CLSTN2: variants seen among roughly 807,000 people sequenced by gnomAD.
CLSTN2 encodes the protein calsyntenin-2.
Under a neutral mutation model 101.2 loss-of-function variants are expected in CLSTN2, and 48 were observed. That is an observed-to-expected ratio of 0.47 (90% CI 0.38 to 0.60). CLSTN2 has a LOEUF of 0.60. CLSTN2 is among the 20% of genes least tolerant of loss of function. The pLI is 0.00. For synonymous variants in CLSTN2, 481 were observed against 463.6 expected (o/e 1.04, Z -0.48); for missense variants, 1,160 against 1,238.2 (o/e 0.94, Z 0.95).
intron 8 of CLSTN2, chr3:140,508,244 A>C (rs1934724053): frequency 7.4e-6 from 1 of 135,792 alleles, no homozygotes; most frequent in Non-Finnish European, 1.5e-5. Context: ...GACAGACGGC[A>C]CTGCTGAGTT....
At chr3:140,423,102 T>C (rs2088523400) in intron 5 of CLSTN2, among the ~76,000 whole-genome samples, 1 of 152,246 alleles carries the variant, frequency 6.6e-6, no homozygotes, top group Non-Finnish European at 1.5e-5. Flanking sequence ...GTCCCAATGC[T>C]TCTTTGACTT....
At chr3:139,967,877 G>A (rs888760098) in intron 1 of CLSTN2, among the ~76,000 whole-genome samples, 1 of 151,974 alleles carries the variant, frequency 6.6e-6, no homozygotes, top group African/African-American at 2.4e-5. Context: ...ATTTTTCAGG[G>A]GGCCAATTTG....
chr3:140,566,428 G>A lies in CLSTN2; in HGVS notation c.*175G>A. On this transcript the variant is annotated 3_prime_UTR_variant, in exon 17 of 17. Coordinates refer to ENST00000458420, the MANE Select transcript of CLSTN2 (RefSeq NM_022131.3). ...GCACTCCCTGTGTTTCATCCATGGG[G>A]AAGTTCCAAGAAGCCCAGCATGGCC... 1.6e-6 allele frequency: 1 copy of A among 639,208 alleles called. No homozygotes were observed. The highest frequency in any genetic ancestry group is 2.9e-5 in the Admixed American group (1 of 34,954). 39.6% of individuals were successfully genotyped at this position (639,208 alleles called of 1,614,324 possible).
intron 1 of CLSTN2, among the ~76,000 whole-genome samples, chr3:140,087,942 A>T (rs1010484774): frequency 1.3e-5 from 2 of 152,184 alleles, no homozygotes; most frequent in African/African-American, 4.8e-5. Flanking sequence ...TGGCAGTGGC[A>T]TGGGAGCTTG....
At chr3:140,464,719 G>A (rs1481249682) in intron 7 of CLSTN2, among the ~76,000 whole-genome samples, 1 of 152,142 alleles carries the variant, frequency 6.6e-6, no homozygotes, top group Non-Finnish European at 1.5e-5. Context: ...TATTTCCTAA[G>A]AGTTATCAAC....
chr3:140,366,513 G>C (rs2087790956), intron 2 of CLSTN2, among the ~76,000 whole-genome samples: 1 of 152,220 alleles, frequency 6.6e-6, no homozygotes, highest in Admixed American at 6.5e-5. Flanking sequence ...TTCAGACAGA[G>C]GTGCCTGAGG....
At chr3:140,015,763 G>A (rs2007188059) in intron 1 of CLSTN2, among the ~76,000 whole-genome samples, 1 of 152,270 alleles carries the variant, frequency 6.6e-6, no homozygotes, top group Non-Finnish European at 1.5e-5. Flanking sequence ...TGTCTGCCTA[G>A]AGCAGTTGCT....
chr3:140,522,897 T>TCAGA (rs1935061356), intron 8 of CLSTN2, among the ~76,000 whole-genome samples: 1 of 152,208 alleles, frequency 6.6e-6, no homozygotes, highest in Non-Finnish European at 1.5e-5. Context: ...CTATTATTTC[T>TCAGA]CAGACAGGCA....
At chr3:140,135,109 CACACACACATATATATATAT>C (rs1282875956) in intron 1 of CLSTN2, among the ~76,000 whole-genome samples, 3 of 52,508 alleles carry the variant, frequency 5.7e-5, no homozygotes, top group Admixed American at 1.9e-4. Flanking sequence ...CACACACACA[CACACACACATATATATATAT>C]ATATATATAT....
At chr3:140,156,004 C>A (rs2009947964) in intron 1 of CLSTN2, among the ~76,000 whole-genome samples, 1 of 152,082 alleles carries the variant, frequency 6.6e-6, no homozygotes, top group South Asian at 2.1e-4. Context: ...CTCCTAGGGG[C>A]AATTTTATTG....
Position 140,502,306 on chromosome 3 carries a change from TG to T in CLSTN2, c.1345-30014del, listed in dbSNP as rs143183306. ...ATTGTAGCAAATGAACACAGGCTTG[TG>T]GGGCTGAGCAGTGAAGGATGCAGGC... is the stretch of plus-strand genomic sequence containing the variant. On this transcript the variant is annotated intron_variant, in intron 8 of 16. Coordinates refer to ENST00000458420, the MANE Select transcript of CLSTN2 (RefSeq NM_022131.3). Among the ~76,000 whole-genome samples the T allele has an allele frequency of 2.6e-5, 4 of 152,292 alleles. No homozygotes were observed. In the East Asian group the frequency reaches 7.7e-4, roughly 29 times the overall value.
At chr3:140,497,929 TG>T (rs1470182061) in intron 8 of CLSTN2, among the ~76,000 whole-genome samples, 1 of 152,140 alleles carries the variant, frequency 6.6e-6, no homozygotes, top group East Asian at 1.9e-4. Context: ...TGGCTGGCGT[TG>T]GGGGTTCCTT....
chr3:139,947,641 C>T (rs745460803), intron 1 of CLSTN2, among the ~76,000 whole-genome samples: 5 of 152,116 alleles, frequency 3.3e-5, no homozygotes, highest in South Asian at 2.1e-4. Flanking sequence ...GCTAAGACCC[C>T]GATTTCACCT....
intron 2 of CLSTN2, among the ~76,000 whole-genome samples, chr3:140,329,789 A>G (rs1251267127): frequency 6.6e-6 from 1 of 152,236 alleles, no homozygotes; most frequent in African/African-American, 2.4e-5. Context: ...CCACTAAAAT[A>G]TAAATGTCCC....
At chr3:140,072,391 C>G (rs1374044055) in intron 1 of CLSTN2, among the ~76,000 whole-genome samples, 2 of 152,108 alleles carry the variant, frequency 1.3e-5, no homozygotes, top group Admixed American at 6.5e-5. Context: ...AATCTCATAG[C>G]CTTATAGTTC....
chr3:140,517,412 A>T (rs1576608298), intron 8 of CLSTN2, among the ~76,000 whole-genome samples: 2 of 152,170 alleles, frequency 1.3e-5, no homozygotes, highest in East Asian at 3.9e-4. Context: ...ATGTTACCAG[A>T]ATTGTTTTTC....
At chr3:140,083,997 G>A (rs1486418319) in intron 1 of CLSTN2, among the ~76,000 whole-genome samples, 2 of 152,098 alleles carry the variant, frequency 1.3e-5, no homozygotes, top group Non-Finnish European at 2.9e-5. Flanking sequence ...ACTGGAGATC[G>A]GTAGGAGATA....
intron 2 of CLSTN2, among the ~76,000 whole-genome samples, chr3:140,265,666 C>G (rs1365934254): frequency 1.3e-5 from 2 of 152,142 alleles, no homozygotes; most frequent in Middle Eastern, 3.2e-3. Context: ...CCAGTTTTAT[C>G]TGGAAAAAAG....
chr3:140,165,343 G>T (rs192884879), intron 1 of CLSTN2, among the ~76,000 whole-genome samples: 4 of 152,162 alleles, frequency 2.6e-5, no homozygotes, highest in African/African-American at 7.2e-5. Context: ...CAAGGAAAAC[G>T]TGTGCTCACT....
Sources: gnomAD v4.1 joint callset for allele counts (sites outside exome capture counted in the v4.1 genomes callset) on GRCh38, gnomAD v4.1.1 for gene constraint, MANE v1.5 for transcripts, NCBI Gene and HGNC (gene_info 2026-07-23, HGNC 2026-07-21) for gene names.